Variants in BCL2 observed in about 807,000 individuals in gnomAD.
BCL2 encodes apoptosis regulator Bcl-2.
Under a neutral mutation model 14.2 loss-of-function variants are expected in BCL2, and 1 was observed. The ratio of observed to expected loss-of-function variants is 0.07; its 90% CI spans 0.02 to 0.33. The LOEUF is 0.33. Among genes scored for constraint, BCL2 ranks in the 10% least tolerant of loss-of-function variants. The pLI is 0.99. For missense variants in BCL2, 247 were observed against 305.9 expected, an observed-to-expected ratio of 0.81 and a Z score of 1.44; for synonymous variants, 151 against 137.2, an observed-to-expected ratio of 1.10 and a Z score of -0.70.
chr18:63,209,340 C>G (rs1184296643), intron 2 of BCL2, among the ~76,000 whole-genome samples: 1 of 152,102 alleles, frequency 6.6e-6, no homozygotes. Flanking sequence ...AGATGTCCGC[C>G]TATGTCATTT....
intron 2 of BCL2, among the ~76,000 whole-genome samples, chr18:63,203,836 C>T (rs999776485): frequency 6.6e-6 from 1 of 152,202 alleles, no homozygotes; most frequent in Non-Finnish European, 1.5e-5. Context: ...AACAGACATA[C>T]TTGTATTTCT....
intron 2 of BCL2, among the ~76,000 whole-genome samples, chr18:63,239,551 G>A (rs1295658008): frequency 1.3e-5 from 2 of 152,144 alleles, no homozygotes; most frequent in African/African-American, 2.4e-5. Context: ...AGACCAGCCT[G>A]GCCAACATGG....
At chr18:63,247,177 C>G (rs1357799288) in intron 2 of BCL2, among the ~76,000 whole-genome samples, 2 of 151,420 alleles carry the variant, frequency 1.3e-5, no homozygotes, top group Non-Finnish European at 2.9e-5. Context: ...CGCACATTTT[C>G]TCATCTTTGA....
intron 2 of BCL2, among the ~76,000 whole-genome samples, chr18:63,269,268 C>T (rs966264253): frequency 2.0e-5 from 3 of 152,048 alleles, no homozygotes; most frequent in African/African-American, 7.2e-5. Flanking sequence ...TGGTCTTTAG[C>T]TATGTAAAGT....
At chr18:63,263,845 G>A (rs1041928813) in intron 2 of BCL2, among the ~76,000 whole-genome samples, 7 of 152,172 alleles carry the variant, frequency 4.6e-5, no homozygotes, top group African/African-American at 1.7e-4. Context: ...TTTTTTTTTA[G>A]ACGGAGTTTC....
In BCL2 at chr18:63,319,227, C is replaced by A; in HGVS notation, c.-340G>T. 1 of 269,176 alleles carries A rather than the reference C, an allele frequency of 3.7e-6. No individual in the cohort carries two copies. The highest frequency in any genetic ancestry group is 6.6e-6 in the Non-Finnish European group (1 of 152,094). 16.7% of individuals were successfully genotyped at this position (269,176 alleles called of 1,614,324 possible). ...CTGTCAAGTTTCCTTTTTGTAAAAC[C>A]AAAACAAATGCATAAGGCAACGATC... On this transcript the variant is annotated 5_prime_UTR_variant, in exon 1 of 3. Transcript: ENST00000333681.
At chr18:63,164,108 A>G (rs1914985635) in intron 2 of BCL2, among the ~76,000 whole-genome samples, 1 of 152,066 alleles carries the variant, frequency 6.6e-6, no homozygotes, top group African/African-American at 2.4e-5. Flanking sequence ...GTGGTATGGG[A>G]GCTGAACAAA....
At chr18:63,183,395 T>C (rs551244650) in intron 2 of BCL2, among the ~76,000 whole-genome samples, 41 of 152,020 alleles carry the variant, frequency 2.7e-4, no homozygotes, top group Non-Finnish European at 5.4e-4. Context: ...TTCATGGAAG[T>C]TGAGCTATTA....
At chr18:63,156,826 G>A (rs568919574) in intron 2 of BCL2, among the ~76,000 whole-genome samples, 53 of 152,284 alleles carry the variant, frequency 3.5e-4, no homozygotes, top group African/African-American at 1.2e-3. Flanking sequence ...CAATTTCCTG[G>A]GCAGCCAGGG....
chr18:63,239,018 G>A (rs1599262715), intron 2 of BCL2, among the ~76,000 whole-genome samples: 1 of 152,196 alleles, frequency 6.6e-6, no homozygotes, highest in Middle Eastern at 3.2e-3. Context: ...GAGAGGCGGG[G>A]GCCTGTGAAA....
At chr18:63,260,493 C>A (rs1001451953) in intron 2 of BCL2, among the ~76,000 whole-genome samples, 2 of 152,204 alleles carry the variant, frequency 1.3e-5, no homozygotes, top group Non-Finnish European at 2.9e-5. Context: ...CTGCAAGGAG[C>A]TGCCCTGTCC....
chr18:63,234,584 G>A lies in BCL2; in HGVS notation c.585+83498C>T, dbSNP rs28588396. ...CCTTGTTCCAACACTACCACGCTGA[G>A]TGACTCTGAGCAAATCAGTGAACCT... On this transcript the variant is annotated intron_variant, in intron 2 of 2. Transcript: ENST00000333681. Among the ~76,000 whole-genome samples the A allele has an allele frequency of 2.7e-3, 411 of 152,344 alleles. 1 individual carries two copies. Among genetic ancestry groups the A allele is most frequent in the African/African-American group, 9.5e-3 (397 of 41,582 alleles).
chr18:63,268,690 T>C (rs912025219), intron 2 of BCL2, among the ~76,000 whole-genome samples: 2 of 152,226 alleles, frequency 1.3e-5, no homozygotes, highest in African/African-American at 4.8e-5. Context: ...TTTTGGAGGT[T>C]TGTTGATTTC....
rs1913887293 is a variant in BCL2, at chr18:63,125,480, T to C, written c.*3145A>G. 1.4e-5 allele frequency: 3 copies of C among 219,138 alleles called. No individual in the cohort carries two copies. In the South Asian group the frequency reaches 5.5e-4, roughly 40 times the overall value. The allele number at this position is 219,138 out of a possible 1,614,324, so 13.6% of individuals were successfully genotyped here. ...GATGTTCTTCTCCTTTTGGGGCTTT[T>C]TTTAGAGCCCTTGTCCCCAATTTGG... On this transcript the variant is annotated 3_prime_UTR_variant, in exon 3 of 3. Transcript: ENST00000333681.
In BCL2 at chr18:63,295,619, G is replaced by A. The variant is rs1043941568; in HGVS notation, c.585+22463C>T. Among the ~76,000 whole-genome samples the A allele has an allele frequency of 1.3e-5, 2 of 152,130 alleles. 1 individual carries two copies. Among genetic ancestry groups the A allele is most frequent in the African/African-American group, 4.8e-5 (2 of 41,418 alleles). On this transcript the variant is annotated intron_variant, in intron 2 of 2. Transcript: ENST00000333681. ...GACATGCCCAAACAGCAAGTGCCTG[G>A]CGGGTCAGAAGAATACAACCCAAGG...
At chr18:63,293,118 C>T (rs965377675) in intron 2 of BCL2, among the ~76,000 whole-genome samples, 3 of 152,148 alleles carry the variant, frequency 2.0e-5, no homozygotes, top group Non-Finnish European at 4.4e-5. Flanking sequence ...GACAACACTC[C>T]CACCCCGCAG....
chr18:63,243,660 A>G (rs1053530560), intron 2 of BCL2, among the ~76,000 whole-genome samples: 1 of 152,202 alleles, frequency 6.6e-6, no homozygotes, highest in Non-Finnish European at 1.5e-5. Flanking sequence ...ACTCCGGGAA[A>G]TCGAGCATGG....
Position 63,127,113 on chromosome 18 carries a change from A to C in BCL2, c.*1512T>G, listed in dbSNP as rs774172635. On this transcript the variant is annotated 3_prime_UTR_variant, in exon 3 of 3. Coordinates refer to ENST00000333681, the MANE Select transcript of BCL2 (RefSeq NM_000633.3). ...AACTTTTTTTTTGTCAGGTTTTCAAATAAAACCAAACTACAGTGACAAGAT... is the reference window on the plus strand; with the variant it reads ...AACTTTTTTTTTGTCAGGTTTTCAACTAAAACCAAACTACAGTGACAAGAT... 3 of 229,008 alleles carry C rather than the reference A, an allele frequency of 1.3e-5. No individual in the cohort carries two copies. Among genetic ancestry groups the C allele is most frequent in the East Asian group, 1.2e-4 (2 of 16,118 alleles). The allele number at this position is 229,008 out of a possible 1,614,324, so 14.2% of individuals were successfully genotyped here.
At chr18:63,311,309 GA>G in intron 2 of BCL2, among the ~76,000 whole-genome samples, 1 of 152,230 alleles carries the variant, frequency 6.6e-6, no homozygotes, top group African/African-American at 2.4e-5. Flanking sequence ...AGGAGAGCTG[GA>G]AAAAGTCAAG....
Sources: allele counts gnomAD v4.1 joint callset (sites outside exome capture counted in the v4.1 genomes callset), GRCh38; gene constraint gnomAD v4.1.1; transcripts MANE v1.5; gene names NCBI Gene and HGNC (gene_info 2026-07-23, HGNC 2026-07-21).